NPAS3: variants seen among roughly 807,000 people sequenced by gnomAD.
The protein encoded by NPAS3 is neuronal PAS domain-containing protein 3.
A neutral mutation model predicts 73.1 loss-of-function variants in NPAS3; 14 were observed. The observed-to-expected ratio is 0.19, with a 90% CI of 0.13 to 0.30. The LOEUF (loss-of-function observed/expected upper bound fraction) is 0.30, where lower values mean the gene tolerates loss of function less well. Ranked by LOEUF, NPAS3 falls within the 10% of genes least tolerant of loss-of-function variation. The pLI is 1.00. For missense variants in NPAS3, 1,096 were observed against 1,250.0 expected (o/e 0.88, Z 1.86); for synonymous variants, 620 against 541.5 (o/e 1.14, Z -2.01).
intron 1 of NPAS3, among the ~76,000 whole-genome samples, chr14:32,992,344 G>T (rs2139484026): frequency 6.6e-6 from 1 of 152,302 alleles, no homozygotes; most frequent in South Asian, 2.1e-4. Flanking sequence ...GTTTTCTTAA[G>T]ATGACTTTGC....
intron 1 of NPAS3, among the ~76,000 whole-genome samples, chr14:32,960,688 G>A (rs76093938): frequency 0.021 from 3,256 of 152,252 alleles, 117 homozygotes; most frequent in African/African-American, 0.074. Flanking sequence ...ACTATAGAAT[G>A]AAATCATTTC....
chr14:33,785,948 G>A (rs1345098289), intron 9 of NPAS3, among the ~76,000 whole-genome samples: 1 of 152,172 alleles, frequency 6.6e-6, no homozygotes, highest in African/African-American at 2.4e-5. Context: ...TCGATGTTTT[G>A]TGTTCATTTT....
rs143401489 is a variant in NPAS3 at position 33,664,547 on chromosome 14, C to A, written c.559-11664C>A. Among the ~76,000 whole-genome samples, 12 of 152,294 alleles carry A rather than the reference C, an allele frequency of 7.9e-5. No homozygotes were observed. In the East Asian group the frequency reaches 2.3e-3, roughly 29 times the overall value. On this transcript the variant is annotated intron_variant, in intron 5 of 11. Coordinates refer to ENST00000356141, the Ensembl canonical transcript of NPAS3. ...ATCCAATTAAACTAAAGAGCTTCTG[C>A]ACAGCAAAAGAAACTATCAGAGTGA... is the stretch of plus-strand genomic sequence containing the variant.
intron 2 of NPAS3, among the ~76,000 whole-genome samples, chr14:33,195,162 TAGAG>T (rs1198088737): frequency 6.6e-6 from 1 of 151,770 alleles, no homozygotes; most frequent in Non-Finnish European, 1.5e-5. Context: ...ATACTGTACA[TAGAG>T]AGTAAACAGG....
chr14:33,144,644 C>A (rs561489120), intron 2 of NPAS3, among the ~76,000 whole-genome samples: 1 of 152,128 alleles, frequency 6.6e-6, no homozygotes, highest in East Asian at 1.9e-4. Flanking sequence ...TGGGATCAAG[C>A]GATCCTCCTG....
intron 4 of NPAS3, among the ~76,000 whole-genome samples, chr14:33,457,892 T>C (rs1012071026): frequency 6.6e-6 from 1 of 152,176 alleles, no homozygotes; most frequent in Non-Finnish European, 1.5e-5. Context: ...TGCAGGAACC[T>C]GTGTTTATCA....
At chr14:33,427,862 A>T (rs1029223028) in intron 4 of NPAS3, among the ~76,000 whole-genome samples, 1 of 152,098 alleles carries the variant, frequency 6.6e-6, no homozygotes, top group African/African-American at 2.4e-5. Flanking sequence ...AAAATAGGTC[A>T]TATATCTTGG....
intron 5 of NPAS3, chr14:33,583,541 G>A (rs1230237365): frequency 6.6e-6 from 1 of 152,058 alleles, no homozygotes. Context: ...ATGAGCTAAT[G>A]GCATACCAGT....
At chr14:33,698,661 C>T (rs1433730853) in intron 6 of NPAS3, among the ~76,000 whole-genome samples, 1 of 152,182 alleles carries the variant, frequency 6.6e-6, no homozygotes, top group African/African-American at 2.4e-5. Context: ...TTAAAAGCCC[C>T]TGACATACTT....
At chr14:33,562,700 A>G (rs12588836) in intron 5 of NPAS3, among the ~76,000 whole-genome samples, 125,635 of 152,084 alleles carry the variant, frequency 0.83, 52,022 homozygotes, top group African/African-American at 0.85. Context: ...AGCCCAAAGC[A>G]TGAGGGAAAA....
At chr14:33,198,200 G>A (rs533061097) in intron 2 of NPAS3, among the ~76,000 whole-genome samples, 2 of 152,182 alleles carry the variant, frequency 1.3e-5, no homozygotes, top group East Asian at 3.9e-4. Flanking sequence ...GCAACAGCAA[G>A]AGTTATTGCA....
chr14:33,723,140 C>T (rs2061163771), intron 6 of NPAS3, among the ~76,000 whole-genome samples: 1 of 152,082 alleles, frequency 6.6e-6, no homozygotes, highest in Non-Finnish European at 1.5e-5. Flanking sequence ...CTTGAATTCT[C>T]AATAATTGCT....
At chr14:33,106,002 G>A (rs1029265991) in intron 2 of NPAS3, among the ~76,000 whole-genome samples, 5 of 152,142 alleles carry the variant, frequency 3.3e-5, no homozygotes, top group African/African-American at 1.2e-4. Context: ...ATAGTTACAT[G>A]AAACAAACTC....
Position 33,197,108 on chromosome 14 carries a change from A to C in NPAS3, c.141-18074A>C, listed in dbSNP as rs949151894. Among the ~76,000 whole-genome samples the C allele has an allele frequency of 2.6e-5, 4 of 152,332 alleles. No homozygotes were observed. In the South Asian group the frequency reaches 8.3e-4, roughly 32 times the overall value. On this transcript the variant is annotated intron_variant, in intron 2 of 11. Transcript: ENST00000356141. ...GCTCTTTGCCCTTATGGATTTTACA[A>C]TGTCATCAGAGTCTATCAATAAAAT... is the stretch of plus-strand genomic sequence containing the variant.
rs543235126 is a variant in NPAS3 at position 33,068,362 on chromosome 14, A to G, written c.140+12368A>G. ...TCCATTCATTCTTGTTAGGCACAAC[A>G]CATGCACTAAGTCCCTGCCTTTGCT... On this transcript the variant is annotated intron_variant, in intron 2 of 11. Coordinates refer to ENST00000356141, the Ensembl canonical transcript of NPAS3. Among the ~76,000 whole-genome samples, 6 of 152,288 alleles carry G rather than the reference A, an allele frequency of 3.9e-5. No individual in the cohort carries two copies. In the South Asian group the frequency reaches 1.2e-3, roughly 32 times the overall value.
chr14:33,369,212 C>T (rs1478548679), intron 4 of NPAS3, among the ~76,000 whole-genome samples: 1 of 152,000 alleles, frequency 6.6e-6, no homozygotes, highest in East Asian at 1.9e-4. Flanking sequence ...TCAGACACCA[C>T]ACTATGGTTG....
chr14:33,177,542 G>A (rs1393403444), intron 2 of NPAS3, among the ~76,000 whole-genome samples: 1 of 151,878 alleles, frequency 6.6e-6, no homozygotes, highest in Non-Finnish European at 1.5e-5. Flanking sequence ...TTTATCTTTT[G>A]TTTGCATCTG....
chr14:33,294,990 T>G (rs1332315397), intron 3 of NPAS3, among the ~76,000 whole-genome samples: 2 of 152,186 alleles, frequency 1.3e-5, no homozygotes, highest in Non-Finnish European at 1.5e-5. Context: ...ATTTGAACTC[T>G]TGGAGAGTGA....
intron 1 of NPAS3, among the ~76,000 whole-genome samples, chr14:32,955,103 G>C (rs1266619488): frequency 2.0e-5 from 3 of 152,036 alleles, no homozygotes; most frequent in South Asian, 2.1e-4. Context: ...CACTTAAAAG[G>C]CTTGGTCAAA....
Sources: allele counts gnomAD v4.1 joint callset (sites outside exome capture counted in the v4.1 genomes callset), GRCh38; gene constraint gnomAD v4.1.1; transcripts MANE v1.5; gene names NCBI Gene and HGNC (gene_info 2026-07-23, HGNC 2026-07-21).